The following CAMK1D variants were observed in gnomAD, a reference collection of about 807,000 sequenced individuals.
CAMK1D encodes calcium/calmodulin-dependent protein kinase type 1D.
In CAMK1D, 9 loss-of-function variants were observed where a neutral mutation model predicts 47.7. That is an observed-to-expected ratio of 0.19 (90% CI 0.11 to 0.33). The LOEUF (loss-of-function observed/expected upper bound fraction) is 0.33, where lower values mean the gene tolerates loss of function less well. CAMK1D is among the 10% of genes least tolerant of loss of function. CAMK1D has a pLI of 1.00. For synonymous variants in CAMK1D, 184 were observed against 184.9 expected, an observed-to-expected ratio of 0.99 and a Z score of 0.04; for missense variants, 291 against 488.7, an observed-to-expected ratio of 0.60 and a Z score of 3.81.
intron 1 of CAMK1D, among the ~76,000 whole-genome samples, chr10:12,487,965 C>T (rs759899168): frequency 6.6e-6 from 1 of 152,198 alleles, no homozygotes; most frequent in African/African-American, 2.4e-5. Context: ...CTCAACAGAG[C>T]AACTTCACTT....
At chr10:12,505,900 G>A (rs938824783) in intron 1 of CAMK1D, among the ~76,000 whole-genome samples, 1 of 151,940 alleles carries the variant, frequency 6.6e-6, no homozygotes, top group Admixed American at 6.6e-5. Context: ...CCAGTCCTCC[G>A]CACATCACAT....
chr10:12,728,024 C>T (rs1032267707), intron 3 of CAMK1D, among the ~76,000 whole-genome samples: 2 of 152,300 alleles, frequency 1.3e-5, no homozygotes, highest in East Asian at 3.9e-4. Context: ...CCTCGGCCTC[C>T]TAAAGTGTGG....
At chr10:12,618,234 G>C (rs1377711555) in intron 2 of CAMK1D, among the ~76,000 whole-genome samples, 1 of 152,088 alleles carries the variant, frequency 6.6e-6, no homozygotes, top group Non-Finnish European at 1.5e-5. Context: ...TGAATACACA[G>C]GCATCCTCCT....
chr10:12,693,407 AT>A (rs1242109083), intron 3 of CAMK1D, among the ~76,000 whole-genome samples: 2 of 151,952 alleles, frequency 1.3e-5, no homozygotes, highest in Non-Finnish European at 2.9e-5. Flanking sequence ...AGAAGACAGA[AT>A]TTGGCCTCCA....
chr10:12,399,488 A>G (rs146522135), intron 1 of CAMK1D, among the ~76,000 whole-genome samples: 1,806 of 151,516 alleles, frequency 0.012, 33 homozygotes, highest in African/African-American at 0.041. Flanking sequence ...TGGGTGACAG[A>G]GCAAGACTCC....
intron 3 of CAMK1D, among the ~76,000 whole-genome samples, chr10:12,739,637 G>T (rs1023486146): frequency 6.6e-6 from 1 of 151,960 alleles, no homozygotes; most frequent in Non-Finnish European, 1.5e-5. Context: ...AAGATTGAGA[G>T]GATAAAGGTA....
intron 3 of CAMK1D, among the ~76,000 whole-genome samples, chr10:12,735,629 T>G (rs1230847756): frequency 6.6e-6 from 1 of 152,182 alleles, no homozygotes; most frequent in African/African-American, 2.4e-5. Flanking sequence ...CTGGTCACTC[T>G]CACCTCTAGA....
chr10:12,588,866 A>C (rs4747992), intron 2 of CAMK1D, among the ~76,000 whole-genome samples: 65 of 144,376 alleles, frequency 4.5e-4, no homozygotes, highest in African/African-American at 1.7e-3. Flanking sequence ...ATATGTATAT[A>C]TGTGTGTGTG....
At chr10:12,591,152 G>C (rs938985180) in intron 2 of CAMK1D, among the ~76,000 whole-genome samples, 2 of 152,258 alleles carry the variant, frequency 1.3e-5, no homozygotes, top group African/African-American at 4.8e-5. Flanking sequence ...GACACAGAGG[G>C]GTCAGGGACA....
chr10:12,674,938 A>G (rs1170903123), intron 3 of CAMK1D, among the ~76,000 whole-genome samples: 1 of 150,148 alleles, frequency 6.7e-6, no homozygotes, highest in Non-Finnish European at 1.5e-5. Flanking sequence ...AGGCTGAGGC[A>G]GGGAATTGCT....
intron 1 of CAMK1D, among the ~76,000 whole-genome samples, chr10:12,399,024 C>A (rs1040216137): frequency 6.6e-6 from 1 of 152,176 alleles, no homozygotes; most frequent in Non-Finnish European, 1.5e-5. Context: ...ATCACAGTTG[C>A]TGCTGTTAGC....
At chr10:12,471,873 A>C (rs1833756711) in intron 1 of CAMK1D, among the ~76,000 whole-genome samples, 1 of 151,700 alleles carries the variant, frequency 6.6e-6, no homozygotes, top group African/African-American at 2.4e-5. Context: ...CTCTACAAAA[A>C]AATACAAAAA....
chr10:12,702,138 G>A (rs1833545210), intron 3 of CAMK1D, among the ~76,000 whole-genome samples: 1 of 152,172 alleles, frequency 6.6e-6, no homozygotes, highest in African/African-American at 2.4e-5. Context: ...CTTTCTAGAA[G>A]CAGCATTCTG....
chr10:12,466,817 C>A (rs760287458), intron 1 of CAMK1D, among the ~76,000 whole-genome samples: 56 of 152,104 alleles, frequency 3.7e-4, no homozygotes, highest in Non-Finnish European at 1.0e-4. Context: ...GGCAGCTACA[C>A]AGGGCTTCTT....
Position 12,554,142 on chromosome 10 carries a change from T to C in CAMK1D, c.224+786T>C, listed in dbSNP as rs1443745806. Among the ~76,000 whole-genome samples, 13 of 148,082 alleles carry C rather than the reference T, an allele frequency of 8.8e-5. No individual in the cohort carries two copies. In the Admixed American group the frequency reaches 8.8e-4, roughly 10 times the overall value. The stretch of plus-strand genomic sequence containing the variant: ...TCTTTCCCTCCCCACTCCCCTCCCC[T>C]TTGCTCCCCTCCCCTCTCCTCTCCT... On this transcript the variant is annotated intron_variant, in intron 2 of 10. Coordinates refer to ENST00000619168, the MANE Select transcript of CAMK1D (RefSeq NM_153498.4).
intron 3 of CAMK1D, among the ~76,000 whole-genome samples, chr10:12,702,023 C>G (rs1032488479): frequency 6.6e-6 from 1 of 152,264 alleles, no homozygotes; most frequent in African/African-American, 2.4e-5. Context: ...ATGTACATCA[C>G]TTCTCCCCAC....
At chr10:12,714,151 G>A (rs1834032233) in intron 3 of CAMK1D, among the ~76,000 whole-genome samples, 2 of 152,234 alleles carry the variant, frequency 1.3e-5, no homozygotes, top group South Asian at 2.1e-4. Context: ...CTGCTGACTT[G>A]GAAGGTGGTG....
chr10:12,743,355 A>AAAAAAAAAAGAAAAG (rs1461631779), intron 3 of CAMK1D, among the ~76,000 whole-genome samples: 1 of 118,156 alleles, frequency 8.5e-6, no homozygotes, highest in African/African-American at 2.8e-5. Context: ...TCAAAAAAAA[A>AAAAAAAAAAGAAAAG]AAAAGAAAAA....
chr10:12,629,818 A>G (rs1467793354), intron 2 of CAMK1D, among the ~76,000 whole-genome samples: 1 of 152,240 alleles, frequency 6.6e-6, no homozygotes, highest in African/African-American at 2.4e-5. Flanking sequence ...GAGAACATCC[A>G]TTGAGACCTT....
Sources: gnomAD v4.1 joint callset for allele counts (sites outside exome capture counted in the v4.1 genomes callset) on GRCh38, gnomAD v4.1.1 for gene constraint, MANE v1.5 for transcripts, NCBI Gene and HGNC (gene_info 2026-07-23, HGNC 2026-07-21) for gene names.